MEGF11: variants seen among roughly 807,000 people sequenced by gnomAD.
The protein encoded by MEGF11 is multiple EGF like domains 11, also known as multiple epidermal growth factor-like domains protein 11.
Under a neutral mutation model 146.6 loss-of-function variants are expected in MEGF11, and 126 were observed. The ratio of observed to expected loss-of-function variants is 0.86; its 90% CI spans 0.74 to 1.00. The LOEUF (loss-of-function observed/expected upper bound fraction) is 1.00. MEGF11 is among the 50% of genes least tolerant of loss of function. The pLI, the probability that MEGF11 is intolerant of heterozygous loss-of-function variation, is 0.00. For synonymous variants in MEGF11, 532 were observed against 583.4 expected, an observed-to-expected ratio of 0.91 and a Z score of 1.27; for missense variants, 1,509 against 1,521.2, an observed-to-expected ratio of 0.99 and a Z score of 0.13.
rs1206117051 is a variant in MEGF11 at position 66,099,203 on chromosome 15, T to C, written c.302-4709A>G. Among the ~76,000 whole-genome samples, 4 of 108,818 alleles carry C rather than the reference T, an allele frequency of 3.7e-5. No homozygotes were observed. In the South Asian group the frequency reaches 1.5e-3, roughly 40 times the overall value. 71.4% of individuals were successfully genotyped at this position (108,818 alleles called of 152,430 possible). On this transcript the variant is annotated intron_variant, in intron 4 of 25. Coordinates refer to ENST00000395614, the MANE Select transcript of MEGF11 (RefSeq NM_001385028.1). ...CCCCATCCCTCCCACCCCTCCTTTT[T>C]CTTTTTTTTTTTTTTTTTTGATATG...
At chr15:66,241,879 T>C (rs914427425) in intron 1 of MEGF11, among the ~76,000 whole-genome samples, 1 of 151,516 alleles carries the variant, frequency 6.6e-6, no homozygotes, top group Non-Finnish European at 1.5e-5. Context: ...ACCACCACAC[T>C]CAGAAATACA....
intron 4 of MEGF11, among the ~76,000 whole-genome samples, chr15:66,112,923 A>G (rs56176602): frequency 0.073 from 11,162 of 152,312 alleles, 504 homozygotes; most frequent in South Asian, 0.15. Flanking sequence ...TTCAAGAAGA[A>G]TGAGGCTGAA....
At chr15:66,066,691 G>A (rs538679139) in intron 5 of MEGF11, among the ~76,000 whole-genome samples, 24 of 152,332 alleles carry the variant, frequency 1.6e-4, no homozygotes, top group African/African-American at 5.3e-4. Flanking sequence ...AGGGGGGCTG[G>A]GAGGTCTCTG....
intron 1 of MEGF11, among the ~76,000 whole-genome samples, chr15:66,245,019 T>C (rs1009350075): frequency 6.6e-6 from 1 of 152,116 alleles, no homozygotes; most frequent in Non-Finnish European, 1.5e-5. Flanking sequence ...GTGCGGGCAA[T>C]AATTGCTACA....
chr15:66,197,309 GCT>G (rs2091032151), intron 1 of MEGF11, among the ~76,000 whole-genome samples: 1 of 152,062 alleles, frequency 6.6e-6, no homozygotes, highest in African/African-American at 2.4e-5. Flanking sequence ...ATAATCCCAG[GCT>G]CTGAGATGTC....
intron 13 of MEGF11, among the ~76,000 whole-genome samples, chr15:65,924,820 G>C (rs532642974): frequency 6.6e-6 from 1 of 152,128 alleles, no homozygotes; most frequent in African/African-American, 2.4e-5. Context: ...GTAGAGACGG[G>C]GTTCCTCCAT....
chr15:66,009,685 C>T (rs1215135577), intron 5 of MEGF11, among the ~76,000 whole-genome samples: 2 of 151,780 alleles, frequency 1.3e-5, no homozygotes, highest in Non-Finnish European at 1.5e-5. Flanking sequence ...CTCCACCTCC[C>T]GGGTTCACGC....
chr15:66,030,225 C>T (rs1270030667), intron 5 of MEGF11, among the ~76,000 whole-genome samples: 4 of 152,170 alleles, frequency 2.6e-5, no homozygotes, highest in Non-Finnish European at 2.9e-5. Flanking sequence ...GGCAGGTATT[C>T]ACATGACATA....
intron 10 of MEGF11, among the ~76,000 whole-genome samples, chr15:65,935,002 C>G (rs2079718204): frequency 6.6e-6 from 1 of 152,100 alleles, no homozygotes; most frequent in South Asian, 2.1e-4. Flanking sequence ...GTTGCAGGAA[C>G]CCCGATTTAT....
At chr15:66,118,642 C>T (rs1044791372) in intron 4 of MEGF11, among the ~76,000 whole-genome samples, 1 of 152,020 alleles carries the variant, frequency 6.6e-6, no homozygotes, top group Non-Finnish European at 1.5e-5. Flanking sequence ...ACAACTCAGC[C>T]TTCCTTCCTC....
At chr15:65,962,325 TTTTTCCTGCCCCACCC>T (rs1008687766) in intron 9 of MEGF11, among the ~76,000 whole-genome samples, 1 of 152,114 alleles carries the variant, frequency 6.6e-6, no homozygotes, top group African/African-American at 2.4e-5. Context: ...CCTCTGGGAA[TTTTTCCTGCCCCACCC>T]CACCCTGGGA....
chr15:65,922,745 G>A, intron 14 of MEGF11, 78 bp downstream of exon 14: 1 of 1,523,116 alleles, frequency 6.6e-7, no homozygotes. Context: ...CCTCTCTCAG[G>A]CCATGGCTAG....
At chr15:66,122,179 G>A (rs1409179906) in intron 3 of MEGF11, among the ~76,000 whole-genome samples, 20 of 151,872 alleles carry the variant, frequency 1.3e-4, no homozygotes, top group Non-Finnish European at 1.5e-5. Flanking sequence ...CAGGAGAATT[G>A]CTTGAACCAG....
rs1241403657 is a variant in MEGF11, at chr15:65,929,739, G to A, written c.1553C>T (p.Thr518Ile). 5 of 1,552,056 alleles carry A rather than the reference G, an allele frequency of 3.2e-6. No homozygotes were observed. Among genetic ancestry groups the A allele is most frequent in the South Asian group, 2.4e-5 (2 of 84,064 alleles). The change falls in exon 12 of 26, where the codon ACC becomes ATC. Residue 518 changes from threonine (T) to isoleucine (I), a missense_variant. Transcript: ENST00000395614. ...CSCTPGWLGD[T>I]CELPCPDGTF... ...ACTCACCGGGCAAGGCAGCTCACAG[G>A]TGTCTCCCAGCCAGCCAGGAGTGCA...
chr15:66,159,823 G>A (rs543957354), intron 1 of MEGF11, among the ~76,000 whole-genome samples: 66 of 152,048 alleles, frequency 4.3e-4, no homozygotes, highest in Non-Finnish European at 8.7e-4. Flanking sequence ...CTGGATTCTC[G>A]AAGGGTTAAT....
At chr15:66,043,782 A>T (rs545303201) in intron 5 of MEGF11, among the ~76,000 whole-genome samples, 16 of 152,190 alleles carry the variant, frequency 1.1e-4, no homozygotes, top group Non-Finnish European at 2.4e-4. Context: ...AGCACTGGGG[A>T]ATTGAAGATG....
intron 5 of MEGF11, among the ~76,000 whole-genome samples, chr15:65,991,989 AGAG>A (rs1253667636): frequency 6.6e-6 from 1 of 152,244 alleles, no homozygotes; most frequent in Admixed American, 6.5e-5. Context: ...CGGGGTGATG[AGAG>A]GAGCTCTGGG....
intron 1 of MEGF11, among the ~76,000 whole-genome samples, chr15:66,251,400 A>T (rs2092368733): frequency 6.6e-6 from 1 of 152,074 alleles, no homozygotes; most frequent in African/African-American, 2.4e-5. Context: ...TGACTACAAA[A>T]CAATGGCTCC....
chr15:66,067,331 A>G (rs1451986401), intron 5 of MEGF11, among the ~76,000 whole-genome samples: 2 of 152,236 alleles, frequency 1.3e-5, no homozygotes, highest in Non-Finnish European at 1.5e-5. Flanking sequence ...CTAGTACCTC[A>G]GTAAAATGCA....
Sources: allele counts gnomAD v4.1 joint callset (sites outside exome capture counted in the v4.1 genomes callset), GRCh38; gene constraint gnomAD v4.1.1; transcripts MANE v1.5; gene names NCBI Gene and HGNC (gene_info 2026-07-23, HGNC 2026-07-21).